HAPLN1: variants seen among roughly 807,000 people sequenced by gnomAD.
HAPLN1 encodes hyaluronan and proteoglycan link protein 1.
In HAPLN1, 13 loss-of-function variants were observed where a neutral mutation model predicts 36.5. The observed-to-expected ratio is 0.36, with a 90% confidence interval of 0.23 to 0.57. The LOEUF is 0.57. Among genes scored for constraint, HAPLN1 ranks in the 20% least tolerant of loss-of-function variants. The pLI is 0.83. For synonymous variants in HAPLN1, 202 were observed against 169.8 expected, an observed-to-expected ratio of 1.19 and a Z score of -1.48; for missense variants, 407 against 439.7, an observed-to-expected ratio of 0.93 and a Z score of 0.66.
In HAPLN1 at chr5:83,639,198, T is replaced by C. The variant is rs376580022; in HGVS notation, c.*2298A>G. On this transcript the variant is annotated 3_prime_UTR_variant, in exon 5 of 5. Transcript: ENST00000274341. ...AAAAAGACTCATTCAAGTATGAGTA[T>C]AAAGGGCATGGAAATTCTGGTCCTT... is the stretch of plus-strand genomic sequence containing the variant. 11 of 152,208 alleles carry C rather than the reference T, an allele frequency of 7.2e-5. 1 individual carries two copies. The East Asian group carries it at 9.6e-4, about 13-fold the overall frequency. The allele number at this position is 152,208 out of a possible 1,614,324, so 9.4% of individuals were successfully genotyped here. A position where few individuals can be genotyped will look rare whatever the true frequency, so the allele number is the denominator to read the frequency against.
At chr5:83,716,593 A>T (rs534017144) in intron 1 of HAPLN1, among the ~76,000 whole-genome samples, 1 of 152,214 alleles carries the variant, frequency 6.6e-6, no homozygotes, top group Non-Finnish European at 1.5e-5. Context: ...CAGTGGGAGA[A>T]GTTATTATGT....
At chr5:83,716,066 A>T (rs1465717434) in intron 1 of HAPLN1, among the ~76,000 whole-genome samples, 1 of 152,240 alleles carries the variant, frequency 6.6e-6, no homozygotes, top group Non-Finnish European at 1.5e-5. Flanking sequence ...TAAATGAATG[A>T]TCAAATGAGG....
Position 83,641,223 on chromosome 5 carries a change from G to A in HAPLN1, c.*273C>T, listed in dbSNP as rs11310. On this transcript the variant is annotated 3_prime_UTR_variant, in exon 5 of 5. Coordinates refer to ENST00000274341, the MANE Select transcript of HAPLN1 (RefSeq NM_001884.4). ...GCTATTGCATGCCCCGTTCATGAAA[G>A]GATACTTTGTTGGGATGATACAGCT... is the stretch of plus-strand genomic sequence containing the variant. 5,276 of 182,898 alleles carry A rather than the reference G, an allele frequency of 0.029. 295 individuals carry two copies. The highest frequency in any genetic ancestry group is 0.12 in the African/African-American group (4,900 of 42,594). The allele number at this position is 182,898 out of a possible 1,614,324, so 11.3% of individuals were successfully genotyped here. A position where few individuals can be genotyped will look rare whatever the true frequency, so the allele number is the denominator to read the frequency against.
chr5:83,644,526 C>A lies in HAPLN1; in HGVS notation c.612G>T (p.Trp204Cys). The A allele has an allele frequency of 6.2e-7, 1 of 1,611,506 alleles. No individual in the cohort carries two copies. The highest frequency in any genetic ancestry group is 8.5e-7 in the Non-Finnish European group (1 of 1,178,822). ...LYDAWRGGLDWCNAGWLSDGS... is the reference protein window; with the variant it reads ...LYDAWRGGLDCCNAGWLSDGS... ...CATCACTGAGCCAGCCGGCATTGCA[C>A]CAGTCCAGCCCGCCCCGCCAGGCGT... is the stretch of plus-strand genomic sequence containing the variant. The change falls in exon 4 of 5, where the codon TGG becomes TGT. Residue 204 changes from tryptophan to cysteine, a missense_variant. Physicochemically the swap from Trp to Cys is radical, Grantham distance 215 (BLOSUM62 -2). Coordinates refer to ENST00000274341, the MANE Select transcript of HAPLN1 (RefSeq NM_001884.4).
At chr5:83,707,252 C>T (rs1021435527) in intron 1 of HAPLN1, among the ~76,000 whole-genome samples, 2 of 152,116 alleles carry the variant, frequency 1.3e-5, no homozygotes, top group African/African-American at 4.8e-5. Context: ...TCATATGGAA[C>T]CACAAAAGAA....
At chr5:83,667,720 C>T (rs1295001515) in intron 2 of HAPLN1, among the ~76,000 whole-genome samples, 1 of 152,146 alleles carries the variant, frequency 6.6e-6, no homozygotes, top group Non-Finnish European at 1.5e-5. Flanking sequence ...TGTGATCATA[C>T]ATTATTAGAT....
chr5:83,684,745 A>T (rs1315831623), intron 1 of HAPLN1, among the ~76,000 whole-genome samples: 2 of 152,142 alleles, frequency 1.3e-5, no homozygotes, highest in African/African-American at 4.8e-5. Flanking sequence ...GGCCTTGAAC[A>T]TAAAATTAAT....
Position 83,644,482 on chromosome 5 carries a change from A to G in HAPLN1, c.656T>C (p.Ile219Thr), listed in dbSNP as rs761661091. ...WLSDGSVQYP[I>T]TKPREPCGGQ... ...CCCACAGGGCTCTCTGGGCTTTGTG[A>G]TGGGATATTGCACAGAGCCATCACT... The change falls in exon 4 of 5, where the codon ATC becomes ACC. Residue 219 changes from isoleucine (I) to threonine (T), a missense_variant. Coordinates refer to ENST00000274341, the MANE Select transcript of HAPLN1 (RefSeq NM_001884.4). 1 of 1,613,070 alleles carries G rather than the reference A, an allele frequency of 6.2e-7. No individual in the cohort carries two copies. Among genetic ancestry groups the G allele is most frequent in the Non-Finnish European group, 8.5e-7 (1 of 1,179,540 alleles).
chr5:83,644,632 C>A lies in HAPLN1; in HGVS notation c.506G>T (p.Arg169Leu), dbSNP rs374286486. The change falls in exon 4 of 5, where the codon CGC (arginine) becomes CTC (leucine). Residue 169 changes from arginine to leucine, a missense_variant. Transcript: ENST00000274341. ...VVFPYFPRLG[R>L]YNLNFHEAQQ... ...CGCCTCGTGAAAATTGAGATTGTAGCGCCCCAGTCGTGGAAAGTAAGGGAA... is the reference window on the plus strand; with the variant it reads ...CGCCTCGTGAAAATTGAGATTGTAGAGCCCCAGTCGTGGAAAGTAAGGGAA... 11 of 1,488,968 alleles carry A rather than the reference C, an allele frequency of 7.4e-6. No individual in the cohort carries two copies. The highest frequency in any genetic ancestry group is 1.4e-5 in the South Asian group (1 of 71,526). The allele number at this position is 1,488,968 out of a possible 1,614,324, so 92.2% of individuals were successfully genotyped here.
chr5:83,688,575 C>G (rs373746666), intron 1 of HAPLN1, among the ~76,000 whole-genome samples: 2 of 144,224 alleles, frequency 1.4e-5, no homozygotes, highest in Admixed American at 1.4e-4. Context: ...ATGTTGACCT[C>G]TTTTGTGGGC....
rs1435678589 is a variant in HAPLN1 at position 83,639,045 on chromosome 5, T to C, written c.*2451A>G. 1 of 152,052 alleles carries C rather than the reference T, an allele frequency of 6.6e-6. No individual in the cohort carries two copies. The highest frequency in any genetic ancestry group is 2.4e-5 in the African/African-American group (1 of 41,446). 9.4% of individuals were successfully genotyped at this position (152,052 alleles called of 1,614,324 possible). On this transcript the variant is annotated 3_prime_UTR_variant, in exon 5 of 5. Transcript: ENST00000274341. ...GGAGCGATTTCTGAATTAGCCAGTGTTGTACCAACTTTCTGTTAGGAATTG... is the reference window on the plus strand; with the variant it reads ...GGAGCGATTTCTGAATTAGCCAGTGCTGTACCAACTTTCTGTTAGGAATTG...
In HAPLN1 at chr5:83,652,550, G is replaced by T; in HGVS notation, c.375C>A (p.Val125=). 6.2e-7 allele frequency: 1 copy of T among 1,614,142 alleles called. No homozygotes were observed. Among genetic ancestry groups the T allele is most frequent in the South Asian group, 1.1e-5 (1 of 91,056 alleles). ...KGGSDSDASL[V]ITDLTLEDYG... is the part of the protein sequence containing the mutation. Reference sequence around the variant, plus strand: ...AATCTTCCAGAGTGAGGTCTGTGATGACCAGAGAAGCATCACTATCACTGC... The same window carrying T: ...AATCTTCCAGAGTGAGGTCTGTGATTACCAGAGAAGCATCACTATCACTGC... The change falls in exon 3 of 5, where the codon GTC becomes GTA. Residue 125 remains valine (V), a synonymous_variant. Coordinates refer to ENST00000274341, the MANE Select transcript of HAPLN1 (RefSeq NM_001884.4).
chr5:83,656,042 T>C (rs908576608), intron 2 of HAPLN1, among the ~76,000 whole-genome samples: 2 of 152,078 alleles, frequency 1.3e-5, no homozygotes, highest in Admixed American at 6.5e-5. Flanking sequence ...AACTGTTTGA[T>C]TGGGGCTGGG....
chr5:83,651,437 G>T (rs773025355), intron 3 of HAPLN1, among the ~76,000 whole-genome samples: 9 of 152,130 alleles, frequency 5.9e-5, no homozygotes, highest in African/African-American at 1.2e-4. Flanking sequence ...AGCAAAAGTG[G>T]CATGTACTCA....
At chr5:83,657,890 A>G (rs1750267013) in intron 2 of HAPLN1, among the ~76,000 whole-genome samples, 1 of 151,944 alleles carries the variant, frequency 6.6e-6, no homozygotes, top group Non-Finnish European at 1.5e-5. Context: ...AAAATACTCT[A>G]CCACCATCAT....
chr5:83,679,000 A>C (rs532406730), intron 1 of HAPLN1, among the ~76,000 whole-genome samples: 1 of 152,322 alleles, frequency 6.6e-6, no homozygotes, highest in East Asian at 1.9e-4. Context: ...CCAGTGGCAG[A>C]AACAGAAATG....
At chr5:83,679,968 T>A (rs1464719618) in intron 1 of HAPLN1, among the ~76,000 whole-genome samples, 1 of 152,228 alleles carries the variant, frequency 6.6e-6, no homozygotes, top group East Asian at 1.9e-4. Flanking sequence ...ACTGTCCTCA[T>A]CAGCAGATAA....
At chr5:83,693,232 G>A (rs2112622028) in intron 1 of HAPLN1, among the ~76,000 whole-genome samples, 1 of 151,856 alleles carries the variant, frequency 6.6e-6, no homozygotes, top group Middle Eastern at 3.4e-3. Context: ...TTGCAGATAT[G>A]AGCAGGACTA....
intron 2 of HAPLN1, among the ~76,000 whole-genome samples, chr5:83,658,422 C>A (rs1750281882): frequency 6.6e-6 from 1 of 152,156 alleles, no homozygotes; most frequent in Non-Finnish European, 1.5e-5. Flanking sequence ...CTGGCTATGG[C>A]AGTAAACATG....
Sources: gnomAD v4.1 joint callset for allele counts (sites outside exome capture counted in the v4.1 genomes callset) on GRCh38, gnomAD v4.1.1 for gene constraint, MANE v1.5 for transcripts, NCBI Gene and HGNC (gene_info 2026-07-23, HGNC 2026-07-21) for gene names.